The following MCPH1 variants were observed in gnomAD, a reference collection of about 807,000 sequenced individuals.
The protein encoded by MCPH1 is microcephalin 1.
A neutral mutation model predicts 84.5 loss-of-function variants in MCPH1; 104 were observed. The observed-to-expected ratio is 1.23, with a 90% CI of 1.05 to 1.45. MCPH1 has a LOEUF of 1.45. MCPH1 is among the 40% of genes most tolerant of loss of function. MCPH1 has a pLI of 0.00. For synonymous variants in MCPH1, 514 were observed against 366.8 expected, an observed-to-expected ratio of 1.40 and a Z score of -4.58; for missense variants, 1,498 against 1,005.7, an observed-to-expected ratio of 1.49 and a Z score of -6.62.
At chr8:6,553,091 C>T (rs141153804) in intron 12 of MCPH1, among the ~76,000 whole-genome samples, 161 of 152,168 alleles carry the variant, frequency 1.1e-3, no homozygotes, top group South Asian at 7.7e-3. Context: ...ATGTCAACTG[C>T]GGGCTCTGGG....
chr8:6,631,685 T>A (rs1040111878), intron 13 of MCPH1, among the ~76,000 whole-genome samples: 2 of 147,422 alleles, frequency 1.4e-5, no homozygotes, highest in African/African-American at 5.0e-5. Context: ...AAATAACAAG[T>A]GTTAGTAAGG....
intron 12 of MCPH1, among the ~76,000 whole-genome samples, chr8:6,548,338 C>G (rs940172538): frequency 2.6e-5 from 4 of 152,196 alleles, no homozygotes; most frequent in African/African-American, 7.2e-5. Flanking sequence ...TCCCCTGCCA[C>G]TTAGATGCCT....
rs541834343 is a variant in MCPH1, at chr8:6,429,229, T to G, written c.234-2270T>G. Among the ~76,000 whole-genome samples the G allele has an allele frequency of 3.9e-5, 6 of 152,350 alleles. No homozygotes were observed. In the East Asian group the frequency reaches 1.2e-3, roughly 29 times the overall value. Reference sequence around the variant, plus strand: ...TTCCTTTCATGGAAAACTTTTTGTTTTCCCTGAGCTTGGCCTGGTGTCCTT... The same window carrying G: ...TTCCTTTCATGGAAAACTTTTTGTTGTCCCTGAGCTTGGCCTGGTGTCCTT... On this transcript the variant is annotated intron_variant, in intron 3 of 13. Transcript: ENST00000344683.
chr8:6,539,689 C>A (rs530815554), intron 12 of MCPH1, among the ~76,000 whole-genome samples: 1 of 152,150 alleles, frequency 6.6e-6, no homozygotes, highest in South Asian at 2.1e-4. Flanking sequence ...CTGGTTCAAA[C>A]GATTCTCCCG....
chr8:6,601,693 TACCACACACAACACAC>T (rs921381771), intron 12 of MCPH1, among the ~76,000 whole-genome samples: 2 of 137,340 alleles, frequency 1.5e-5, no homozygotes, highest in African/African-American at 6.9e-5. Flanking sequence ...ACACAGTGCA[TACCACACACAACACAC>T]ACCACACACA....
intron 12 of MCPH1, among the ~76,000 whole-genome samples, chr8:6,606,381 C>G (rs1181982346): frequency 1.3e-5 from 2 of 152,208 alleles, no homozygotes; most frequent in Admixed American, 1.3e-4. Context: ...GTCCGTGTTG[C>G]ATTTTATACA....
chr8:6,513,621 C>T (rs923923895), intron 12 of MCPH1: 1 of 1,517,614 alleles, frequency 6.6e-7, no homozygotes, highest in Non-Finnish European at 8.9e-7. Flanking sequence ...GCGTGAGCCA[C>T]CGTGCCCGGC....
At chr8:6,433,882 T>G (rs1474496139) in intron 4 of MCPH1, among the ~76,000 whole-genome samples, 1 of 152,096 alleles carries the variant, frequency 6.6e-6, no homozygotes, top group Non-Finnish European at 1.5e-5. Context: ...CCCCTCACCC[T>G]GTCTGCTGCC....
At chr8:6,411,935 G>T (rs1192075197) in intron 2 of MCPH1, among the ~76,000 whole-genome samples, 4 of 152,116 alleles carry the variant, frequency 2.6e-5, no homozygotes, top group African/African-American at 9.7e-5. Context: ...TCCTTGTCTG[G>T]CATTTGGGAG....
chr8:6,498,196 C>T (rs1204825869), intron 11 of MCPH1, among the ~76,000 whole-genome samples: 1 of 152,232 alleles, frequency 6.6e-6, no homozygotes, highest in Non-Finnish European at 1.5e-5. Flanking sequence ...ATTCCTGTTG[C>T]AGCGGATGCT....
At chr8:6,488,990 C>A (rs762592922) in intron 11 of MCPH1, among the ~76,000 whole-genome samples, 1 of 152,014 alleles carries the variant, frequency 6.6e-6, no homozygotes, top group Non-Finnish European at 1.5e-5. Flanking sequence ...GTCAAGAAGA[C>A]TCCCACCCAA....
chr8:6,509,165 T>C (rs1209696382), intron 12 of MCPH1: 1 of 1,455,592 alleles, frequency 6.9e-7, no homozygotes, highest in Non-Finnish European at 9.3e-7. Context: ...AAGCGTGTTC[T>C]GTACTCGTTA....
At chr8:6,635,986 T>C (rs539026940) in intron 13 of MCPH1, among the ~76,000 whole-genome samples, 1 of 152,344 alleles carries the variant, frequency 6.6e-6, no homozygotes, top group South Asian at 2.1e-4. Context: ...TATTTTTTAC[T>C]GTGAAGTACT....
At chr8:6,425,824 C>T (rs529406567) in intron 3 of MCPH1, among the ~76,000 whole-genome samples, 6 of 152,300 alleles carry the variant, frequency 3.9e-5, no homozygotes, top group Non-Finnish European at 7.4e-5. Context: ...TGAGGCTTCT[C>T]ATGAGCTGGG....
rs370971954 is a variant in MCPH1, at chr8:6,534,340, G to A, written c.2214+34411G>A. ...GATGATTTAGAGTATACGAGAGGATGTGTATAGGTTATATGCAGATCTACC... is the reference window on the plus strand; with the variant it reads ...GATGATTTAGAGTATACGAGAGGATATGTATAGGTTATATGCAGATCTACC... On this transcript the variant is annotated intron_variant, in intron 12 of 13. Transcript: ENST00000344683. 5.3e-5 allele frequency among the ~76,000 whole-genome samples: 8 copies of A among 152,024 alleles called. No homozygotes were observed. In the East Asian group the frequency reaches 5.8e-4, roughly 11 times the overall value.
At position 6,516,361 on chromosome 8, in the gene MCPH1, T is replaced by C. The variant is rs1490200375; in HGVS notation, c.2214+16432T>C. Among the ~76,000 whole-genome samples the C allele has an allele frequency of 2.0e-5, 3 of 152,172 alleles. No homozygotes were observed. The East Asian group carries it at 5.8e-4, about 29-fold the overall frequency. On this transcript the variant is annotated intron_variant, in intron 12 of 13. Coordinates refer to ENST00000344683, the MANE Select transcript of MCPH1 (RefSeq NM_024596.5). The stretch of plus-strand genomic sequence containing the variant: ...TGCATTTTTGAAAGGAGAAAAGATT[T>C]AGCAAAGTTCGATTTTGATCAGTTA...
chr8:6,471,737 A>G (rs756675287), intron 9 of MCPH1, among the ~76,000 whole-genome samples: 54 of 152,174 alleles, frequency 3.5e-4, no homozygotes, highest in Non-Finnish European at 1.2e-4. Context: ...GGGTCTCAGC[A>G]TTATTTAGAC....
intron 12 of MCPH1, among the ~76,000 whole-genome samples, chr8:6,603,582 A>G (rs2515546): frequency 0.94 from 143,240 of 152,268 alleles, 68,019 homozygotes; most frequent in East Asian, 1. Flanking sequence ...TATAACTGAT[A>G]ATGTGGAAGG....
chr8:6,636,036 A>G (rs1563222871), intron 13 of MCPH1, among the ~76,000 whole-genome samples: 1 of 152,224 alleles, frequency 6.6e-6, no homozygotes, highest in African/African-American at 2.4e-5. Flanking sequence ...GCTTGGTAGT[A>G]GCATATAAAT....
Sources: allele counts gnomAD v4.1 joint callset (sites outside exome capture counted in the v4.1 genomes callset), GRCh38; gene constraint gnomAD v4.1.1; transcripts MANE v1.5; gene names NCBI Gene and HGNC (gene_info 2026-07-23, HGNC 2026-07-21).